Variants in EML4 observed in about 807,000 individuals in gnomAD.
The protein encoded by EML4 is echinoderm microtubule-associated protein-like 4.
Under a neutral mutation model 129.0 loss-of-function variants are expected in EML4, and 72 were observed. The ratio of observed to expected loss-of-function variants is 0.56; its 90% CI spans 0.46 to 0.68. The LOEUF (loss-of-function observed/expected upper bound fraction) is 0.68, where lower values mean the gene tolerates loss of function less well. EML4 is among the 30% of genes least tolerant of loss of function. The pLI is 0.00. For missense variants in EML4, 1,363 were observed against 1,190.6 expected, an observed-to-expected ratio of 1.14 and a Z score of -2.13; for synonymous variants, 532 against 405.0, an observed-to-expected ratio of 1.31 and a Z score of -3.77.
chr2:42,208,339 A>G (rs1260271195), intron 1 of EML4, among the ~76,000 whole-genome samples: 1 of 151,940 alleles, frequency 6.6e-6, no homozygotes, highest in African/African-American at 2.4e-5. Flanking sequence ...TATATAATCA[A>G]AGAACTAAAA....
At chr2:42,219,860 G>A (rs1161642926) in intron 1 of EML4, among the ~76,000 whole-genome samples, 3 of 151,642 alleles carry the variant, frequency 2.0e-5, no homozygotes, top group Admixed American at 2.0e-4. Context: ...TGGGAGGTGG[G>A]GGTTGCAGTG....
intron 19 of EML4, among the ~76,000 whole-genome samples, chr2:42,322,356 C>A (rs535272331): frequency 6.6e-6 from 1 of 152,220 alleles, no homozygotes. Flanking sequence ...TGCACTGATA[C>A]AGATATTTTT....
chr2:42,306,189 T>A (rs1266985710), intron 17 of EML4, among the ~76,000 whole-genome samples: 2 of 152,194 alleles, frequency 1.3e-5, no homozygotes, highest in Non-Finnish European at 2.9e-5. Context: ...TAAAAGCACT[T>A]AGACTTGGAC....
chr2:42,185,717 G>C (rs983491088), intron 1 of EML4, among the ~76,000 whole-genome samples: 1 of 152,116 alleles, frequency 6.6e-6, no homozygotes, highest in Non-Finnish European at 1.5e-5. Context: ...TGAAGCTGTT[G>C]GGGGAAACCA....
At chr2:42,169,663 C>T in intron 1 of EML4, 27 bp downstream of exon 1, 1 of 1,599,634 alleles carries the variant, frequency 6.3e-7, no homozygotes, top group Non-Finnish European at 8.5e-7. Flanking sequence ...AGTCCTGCGT[C>T]TTCTGCGAAG....
rs147426155 is a variant in EML4 at position 42,244,101 on chromosome 2, G to GTTTTTTTTTTTTTTT, written c.26-1402_26-1388dup. 7.4e-5 allele frequency among the ~76,000 whole-genome samples: 6 copies of GTTTTTTTTTTTTTTT among 81,362 alleles called. 1 individual carries two copies. The highest frequency in any genetic ancestry group is 2.4e-4 in the Admixed American group (2 of 8,234). The allele number at this position is 81,362 out of a possible 152,430, so 53.4% of individuals were successfully genotyped here. On this transcript the variant is annotated intron_variant, in intron 1 of 22. Transcript: ENST00000318522. ...TTTTTGTTTTTTGTTTTTGTTTTTTGTTTTTTTTTTTTTTTTGAGACGGGG... is the reference window on the plus strand; with the variant it reads ...TTTTTGTTTTTTGTTTTTGTTTTTTGTTTTTTTTTTTTTTTTTTTTTTTTTTTTTTTGAGACGGGG...
At chr2:42,271,969 G>T (rs1159599680) in intron 6 of EML4, among the ~76,000 whole-genome samples, 2 of 151,774 alleles carry the variant, frequency 1.3e-5, no homozygotes, top group Admixed American at 6.6e-5. Context: ...AGGCATGATG[G>T]CACCTGTCTG....
intron 1 of EML4, among the ~76,000 whole-genome samples, chr2:42,219,345 T>C (rs968292279): frequency 2.6e-5 from 4 of 152,134 alleles, no homozygotes; most frequent in Admixed American, 2.0e-4. Flanking sequence ...ATATGTGGAT[T>C]GTGCAGGGCT....
chr2:42,269,784 G>C (rs1419203044), intron 6 of EML4, among the ~76,000 whole-genome samples: 3 of 152,098 alleles, frequency 2.0e-5, no homozygotes, highest in Non-Finnish European at 4.4e-5. Flanking sequence ...TCATCATAGA[G>C]TACATACAAT....
At chr2:42,184,990 C>T (rs1558482050) in intron 1 of EML4, among the ~76,000 whole-genome samples, 2 of 152,134 alleles carry the variant, frequency 1.3e-5, no homozygotes, top group African/African-American at 4.8e-5. Context: ...ATAAAATTCT[C>T]TTTAACTTTT....
intron 19 of EML4, chr2:42,325,205 TAA>T: frequency 1.8e-6 from 1 of 556,296 alleles, no homozygotes; most frequent in South Asian, 1.4e-5. Context: ...GATACAAGTT[TAA>T]GAGACTGTCT....
At chr2:42,285,380 G>A (rs1667235648) in intron 9 of EML4, among the ~76,000 whole-genome samples, 1 of 152,074 alleles carries the variant, frequency 6.6e-6, no homozygotes, top group Non-Finnish European at 1.5e-5. Context: ...GACATTCTCA[G>A]GCTTCAGTTT....
intron 1 of EML4, among the ~76,000 whole-genome samples, chr2:42,241,031 C>T (rs920186504): frequency 3.9e-5 from 6 of 152,028 alleles, no homozygotes; most frequent in African/African-American, 1.4e-4. Context: ...CTGTAATCTC[C>T]CAGCTACTCC....
At chr2:42,293,356 C>T (rs1667763784) in intron 11 of EML4, among the ~76,000 whole-genome samples, 1 of 152,158 alleles carries the variant, frequency 6.6e-6, no homozygotes, top group South Asian at 2.1e-4. Flanking sequence ...CCACCTTGGC[C>T]ACCCAAAGCA....
intron 1 of EML4, among the ~76,000 whole-genome samples, chr2:42,212,227 T>A (rs1558506272): frequency 6.6e-6 from 1 of 152,220 alleles, no homozygotes; most frequent in African/African-American, 2.4e-5. Flanking sequence ...GACTTTCTGA[T>A]CATCTGTTAA....
At chr2:42,248,820 G>T (rs1273815222) in intron 2 of EML4, among the ~76,000 whole-genome samples, 2 of 151,976 alleles carry the variant, frequency 1.3e-5, no homozygotes, top group Admixed American at 6.6e-5. Flanking sequence ...TTTGATGGGG[G>T]TATTGATTAT....
At chr2:42,281,638 C>T (rs1360594459) in intron 7 of EML4, among the ~76,000 whole-genome samples, 1 of 152,194 alleles carries the variant, frequency 6.6e-6, no homozygotes. Context: ...ACCCATACCT[C>T]ACAGGGGCTG....
rs567150169 is a variant in EML4, at chr2:42,295,311, T to G, written c.1353+52T>G. 4.0e-5 allele frequency: 64 copies of G among 1,595,042 alleles called. 1 individual carries two copies. The South Asian group carries it at 6.5e-4, about 16-fold the overall frequency. On this transcript the variant is annotated intron_variant, in intron 12 of 22. Coordinates refer to ENST00000318522, the MANE Select transcript of EML4 (RefSeq NM_019063.5). ...TTAGGTGTATAAGACTTTAATTTTT[T>G]TAATTGTTTAATAAGCATCAAGTTG...
chr2:42,224,820 A>G (rs1307822887), intron 1 of EML4, among the ~76,000 whole-genome samples: 2 of 152,130 alleles, frequency 1.3e-5, no homozygotes, highest in Non-Finnish European at 2.9e-5. Context: ...TTTTAACTTT[A>G]TAGTTCAGTG....
Sources: gnomAD v4.1 joint callset for allele counts (sites outside exome capture counted in the v4.1 genomes callset) on GRCh38, gnomAD v4.1.1 for gene constraint, MANE v1.5 for transcripts, NCBI Gene and HGNC (gene_info 2026-07-23, HGNC 2026-07-21) for gene names.